MAP4K3: variants seen among roughly 807,000 people sequenced by gnomAD.
MAP4K3 encodes the protein MAPK/ERK kinase kinase kinase 3.
Under a neutral mutation model 143.5 loss-of-function variants are expected in MAP4K3, and 94 were observed. The observed-to-expected ratio is 0.65, with a 90% CI of 0.55 to 0.78. The LOEUF (loss-of-function observed/expected upper bound fraction) is 0.78. Ranked by LOEUF, MAP4K3 falls within the 30% of genes least tolerant of loss-of-function variation. MAP4K3 has a pLI of 0.00. For missense variants in MAP4K3, 1,077 were observed against 1,068.1 expected (o/e 1.01, Z -0.12); for synonymous variants, 416 against 347.2 (o/e 1.20, Z -2.20).
In MAP4K3 at chr2:39,278,541, G is replaced by C. The variant is rs994088205; in HGVS notation, c.1715-55C>G. 4.2e-6 allele frequency: 4 copies of C among 958,320 alleles called. No individual in the cohort carries two copies. The African/African-American group carries it at 6.7e-5, about 16-fold the overall frequency. 59.4% of individuals were successfully genotyped at this position (958,320 alleles called of 1,614,324 possible). ...TTGGTAAATAAAATATTTTTAAATA[G>C]GATTTCTATAATCTAAACTTCCGTA... On this transcript the variant is annotated intron_variant, in intron 23 of 33. Transcript: ENST00000263881.
At chr2:39,285,977 A>G (rs989637649) in intron 21 of MAP4K3, among the ~76,000 whole-genome samples, 1 of 152,208 alleles carries the variant, frequency 6.6e-6, no homozygotes, top group African/African-American at 2.4e-5. Context: ...TTTAGCTAAC[A>G]TTTGTGATAG....
At chr2:39,267,334 A>G (rs1006969136) in intron 26 of MAP4K3, 87 bp from the exon 27 acceptor site, 1 of 985,106 alleles carries the variant, frequency 1.0e-6, no homozygotes, top group Non-Finnish European at 1.6e-6. Flanking sequence ...TGCACAAAGG[A>G]TGAGTTCAAA....
chr2:39,374,525 T>A (rs1180128445), intron 2 of MAP4K3, among the ~76,000 whole-genome samples: 11 of 151,562 alleles, frequency 7.3e-5, no homozygotes. Context: ...CTACTAAAAA[T>A]ACAAAAATTA....
At chr2:39,271,190 G>A (rs1414493059) in intron 26 of MAP4K3, among the ~76,000 whole-genome samples, 2 of 151,976 alleles carry the variant, frequency 1.3e-5, no homozygotes, top group African/African-American at 2.4e-5. Context: ...TTCAGCGTAG[G>A]TAAAATCATA....
intron 26 of MAP4K3, among the ~76,000 whole-genome samples, chr2:39,269,621 G>GT (rs1680928404): frequency 6.6e-6 from 1 of 151,806 alleles, no homozygotes; most frequent in African/African-American, 2.4e-5. Context: ...ACTACAGGCT[G>GT]TATCAATTTA....
chr2:39,364,684 A>G (rs770369153), intron 2 of MAP4K3, among the ~76,000 whole-genome samples: 30 of 152,238 alleles, frequency 2.0e-4, no homozygotes, highest in Admixed American at 1.1e-3. Context: ...CCTGGCCAAC[A>G]TGGTGAAACC....
chr2:39,298,420 C>T (rs906759158), intron 16 of MAP4K3, among the ~76,000 whole-genome samples: 1 of 151,988 alleles, frequency 6.6e-6, no homozygotes, highest in African/African-American at 2.4e-5. Context: ...AACTGAAGTT[C>T]AGCTTAAATA....
chr2:39,360,198 C>A (rs914879603), intron 2 of MAP4K3, among the ~76,000 whole-genome samples: 1 of 152,214 alleles, frequency 6.6e-6, no homozygotes, highest in African/African-American at 2.4e-5. Context: ...CCATAGATCT[C>A]TAGGGCAGGG....
At chr2:39,380,294 T>C (rs890676584) in intron 1 of MAP4K3, among the ~76,000 whole-genome samples, 2 of 152,134 alleles carry the variant, frequency 1.3e-5, no homozygotes, top group African/African-American at 4.8e-5. Context: ...GTAAAATCCA[T>C]GTTTATTAAT....
At chr2:39,412,720 T>C (rs535894912) in intron 1 of MAP4K3, among the ~76,000 whole-genome samples, 1 of 152,360 alleles carries the variant, frequency 6.6e-6, no homozygotes, top group East Asian at 1.9e-4. Context: ...GTACAGGTTA[T>C]GTACTAAGAT....
At chr2:39,307,119 G>A (rs1234845421) in intron 15 of MAP4K3, among the ~76,000 whole-genome samples, 3 of 152,156 alleles carry the variant, frequency 2.0e-5, no homozygotes, top group African/African-American at 7.2e-5. Context: ...AAAATTGAAA[G>A]ATGTATGTTA....
chr2:39,272,182 T>A (rs909825367), intron 26 of MAP4K3, 101 bp downstream of exon 26: 1 of 871,644 alleles, frequency 1.1e-6, no homozygotes, highest in Non-Finnish European at 1.8e-6. Flanking sequence ...TTCATCATGA[T>A]TTTTATTAAC....
chr2:39,425,935 G>A (rs989702613), intron 1 of MAP4K3, among the ~76,000 whole-genome samples: 1 of 152,172 alleles, frequency 6.6e-6, no homozygotes. Flanking sequence ...AATAATTCAA[G>A]TAGAAATCAA....
chr2:39,338,787 C>T (rs1035253505), intron 4 of MAP4K3, among the ~76,000 whole-genome samples: 2 of 152,166 alleles, frequency 1.3e-5, no homozygotes, highest in Non-Finnish European at 2.9e-5. Flanking sequence ...CAAGCAGTGT[C>T]TACTCTTTTT....
chr2:39,335,484 C>T (rs533705143), intron 6 of MAP4K3, among the ~76,000 whole-genome samples: 158 of 152,304 alleles, frequency 1.0e-3, no homozygotes, highest in African/African-American at 3.7e-3. Context: ...AACTACCCAA[C>T]CAGTCCCATC....
At chr2:39,412,274 A>G (rs138563543) in intron 1 of MAP4K3, among the ~76,000 whole-genome samples, 1 of 152,340 alleles carries the variant, frequency 6.6e-6, no homozygotes, top group African/African-American at 2.4e-5. Context: ...ACCTAGCTGC[A>G]GTCACCACCA....
intron 13 of MAP4K3, among the ~76,000 whole-genome samples, chr2:39,311,944 T>A (rs1446614572): frequency 6.6e-6 from 1 of 152,134 alleles, no homozygotes; most frequent in Non-Finnish European, 1.5e-5. Flanking sequence ...TCAAAAGAGA[T>A]CCATAAGTAG....
At chr2:39,325,494 C>A (rs113059583) in intron 12 of MAP4K3, 24 bp downstream of exon 12, 7 of 1,513,788 alleles carry the variant, frequency 4.6e-6, no homozygotes, top group Non-Finnish European at 6.4e-6. Flanking sequence ...GTTATATATG[C>A]CCGCTGGTAA....
At chr2:39,359,833 A>G (rs1458346678) in intron 2 of MAP4K3, among the ~76,000 whole-genome samples, 1 of 152,204 alleles carries the variant, frequency 6.6e-6, no homozygotes, top group Admixed American at 6.5e-5. Flanking sequence ...GCTAGGATGC[A>G]GAGCACCAAG....
Sources: gnomAD v4.1 joint callset for allele counts (sites outside exome capture counted in the v4.1 genomes callset) on GRCh38, gnomAD v4.1.1 for gene constraint, MANE v1.5 for transcripts, NCBI Gene and HGNC (gene_info 2026-07-23, HGNC 2026-07-21) for gene names.